Variants in ATP1A1 observed in about 807,000 individuals in gnomAD.
ATP1A1 encodes ATPase Na+/K+ transporting subunit alpha 1, also known as sodium/potassium-transporting ATPase subunit alpha-1.
ATP1A1 carries 14 observed loss-of-function variants against 114.8 expected under a neutral mutation model. That is an observed-to-expected ratio of 0.12 (90% CI 0.08 to 0.19). The LOEUF (loss-of-function observed/expected upper bound fraction) is 0.19, where lower values mean the gene tolerates loss of function less well. Among genes scored for constraint, ATP1A1 ranks in the 10% least tolerant of loss-of-function variants. ATP1A1 has a pLI of 1.00. For missense variants in ATP1A1, 524 were observed against 1,290.7 expected (o/e 0.41, Z 9.10); for synonymous variants, 471 against 466.3 (o/e 1.01, Z -0.13).
At chr1:116,392,683 G>C (rs1652561454) in intron 10 of ATP1A1, 171 bp from the exon 11 acceptor site, 1 of 692,078 alleles carries the variant, frequency 1.4e-6, no homozygotes, top group African/African-American at 1.8e-5. Flanking sequence ...GAACAGCAGT[G>C]GTCGGGGCTA....
chr1:116,379,716 A>G (rs1651614277), intron 1 of ATP1A1, among the ~76,000 whole-genome samples: 1 of 152,252 alleles, frequency 6.6e-6, no homozygotes, highest in African/African-American at 2.4e-5. Context: ...AGACCAAGTT[A>G]TAATAATAGC....
At position 116,399,640 on chromosome 1, in the gene ATP1A1, C is replaced by G. The variant is rs1259372114; in HGVS notation, c.2572+97C>G. On this transcript the variant is annotated intron_variant, in intron 18 of 22. Transcript: ENST00000295598. The surrounding 1 kb of genome is among the most constrained non-coding windows in gnomAD (Gnocchi z 5.0). Reference sequence around the variant, plus strand: ...AGGTTGATTTCAGAGACTGCAAATCCAGGCGACTTTCAGGTCTAGGATGAG... The same window carrying G: ...AGGTTGATTTCAGAGACTGCAAATCGAGGCGACTTTCAGGTCTAGGATGAG... The G allele has an allele frequency of 6.5e-7, 1 of 1,534,286 alleles. No homozygotes were observed. The highest frequency in any genetic ancestry group is 8.8e-7 in the Non-Finnish European group (1 of 1,132,230).
chr1:116,377,077 G>A (rs1263920896), intron 1 of ATP1A1, among the ~76,000 whole-genome samples: 1 of 152,172 alleles, frequency 6.6e-6, no homozygotes, highest in African/African-American at 2.4e-5. Context: ...GAATAAGAAA[G>A]GCTTTAACTA....
At position 116,404,494 on chromosome 1, in the gene ATP1A1, A is replaced by G. The variant is rs1393530196; in HGVS notation, c.*50A>G. The G allele has an allele frequency of 3.2e-6, 5 of 1,577,968 alleles. No individual in the cohort carries two copies. The highest frequency in any genetic ancestry group is 3.4e-6 in the Non-Finnish European group (4 of 1,166,914). ...CATCAGGCCACACACTCTGCATCCG[A>G]CACCCACCCCCTCTTTGTGTACTTC... On this transcript the variant is annotated 3_prime_UTR_variant, in exon 23 of 23. Coordinates refer to ENST00000295598, the MANE Select transcript of ATP1A1 (RefSeq NM_000701.8). The surrounding 1 kb of genome is among the most constrained non-coding windows in gnomAD (Gnocchi z 4.8).
chr1:116,391,917 TAA>T (rs951312085), intron 10 of ATP1A1, among the ~76,000 whole-genome samples: 23 of 152,308 alleles, frequency 1.5e-4, no homozygotes, highest in African/African-American at 5.3e-4. Flanking sequence ...GCATTATTAC[TAA>T]AAAGCGGGGA....
Position 116,395,342 on chromosome 1 carries a change from A to C in ATP1A1, c.1836+57A>C. ...CTTAGTGCCTTGGGACACCCTACTC[A>C]GTGAATGTTGCCTTTTGAGGTCCAG... On this transcript the variant is annotated intron_variant, in intron 13 of 22. Transcript: ENST00000295598. This position sits in a 1 kb window ranked among gnomAD's most constrained non-coding sequence, Gnocchi z 6.4. 6.4e-7 allele frequency: 1 copy of C among 1,574,272 alleles called. No homozygotes were observed. The highest frequency in any genetic ancestry group is 8.6e-7 in the Non-Finnish European group (1 of 1,160,266).
At chr1:116,378,875 G>A (rs1400822249) in intron 1 of ATP1A1, among the ~76,000 whole-genome samples, 6 of 152,192 alleles carry the variant, frequency 3.9e-5, no homozygotes, top group South Asian at 2.1e-4. Context: ...GGAGGGTAAG[G>A]TGGTCAGCAG....
rs1204516090 is a variant in ATP1A1, at chr1:116,393,726, A to G, written c.1660+3A>G. 1.2e-6 allele frequency: 2 copies of G among 1,611,738 alleles called. No homozygotes were observed. The highest frequency in any genetic ancestry group is 8.5e-7 in the Non-Finnish European group (1 of 1,179,490). Reference sequence around the variant, plus strand: ...GGGCCTCGGAGAACGAGTCCTAGGTATGCAGATAACCTGGTAACAGAGTGC... The same window carrying G: ...GGGCCTCGGAGAACGAGTCCTAGGTGTGCAGATAACCTGGTAACAGAGTGC... On this transcript the variant is annotated splice_donor_region_variant and intron_variant, in intron 12 of 22. Coordinates refer to ENST00000295598, the MANE Select transcript of ATP1A1 (RefSeq NM_000701.8). This position sits in a 1 kb window ranked among gnomAD's most constrained non-coding sequence, Gnocchi z 5.0.
In ATP1A1 at chr1:116,382,206, T is replaced by G. The variant is rs1651790964; in HGVS notation, c.13-1808T>G. 2.0e-5 allele frequency among the ~76,000 whole-genome samples: 3 copies of G among 152,152 alleles called. No homozygotes were observed. In the South Asian group the frequency reaches 6.2e-4, roughly 32 times the overall value. On this transcript the variant is annotated intron_variant, in intron 1 of 22. Transcript: ENST00000295598. ...AGAAAATTAATACAAAGTGGTCACA[T>G]AAATCTTTTAGAGATCCTTAGTCAA... is the stretch of plus-strand genomic sequence containing the variant.
At chr1:116,379,576 G>C (rs1651601987) in intron 1 of ATP1A1, among the ~76,000 whole-genome samples, 1 of 152,170 alleles carries the variant, frequency 6.6e-6, no homozygotes, top group Admixed American at 6.5e-5. Context: ...ATCATTTCTT[G>C]ACTGTTATTT....
At chr1:116,376,264 AAG>A (rs1339763753) in intron 1 of ATP1A1, among the ~76,000 whole-genome samples, 14 of 152,184 alleles carry the variant, frequency 9.2e-5, no homozygotes, top group African/African-American at 3.4e-4. Context: ...GCAGGGAAAA[AAG>A]GTTCCAGTGA....
rs1028816565 is a variant in ATP1A1, at chr1:116,387,742, G to GCT, written c.387+254_387+255dup. Among the ~76,000 whole-genome samples, 1 of 152,248 alleles carries GCT rather than the reference G, an allele frequency of 6.6e-6. No homozygotes were observed. Among genetic ancestry groups the GCT allele is most frequent in the African/African-American group, 2.4e-5 (1 of 41,474 alleles). On this transcript the variant is annotated intron_variant, in intron 4 of 22. Transcript: ENST00000295598. This position sits in a 1 kb window ranked among gnomAD's most constrained non-coding sequence, Gnocchi z 6.7. ...CTGCATGTGCTGCTGTGAGCAGGCA[G>GCT]CTCTGCTCAGGCCCCGGCCGCCACC...
rs1652840717 is a variant in ATP1A1 at position 116,395,619 on chromosome 1, T to C, written c.1836+334T>C. 6.6e-6 allele frequency among the ~76,000 whole-genome samples: 1 copy of C among 152,250 alleles called. No homozygotes were observed. Among genetic ancestry groups the C allele is most frequent in the Non-Finnish European group, 1.5e-5 (1 of 68,038 alleles). ...CAATGAATGGCATATCTTCTGTGTT[T>C]TCAGTTAACTGTTTGTTAATGAGTG... On this transcript the variant is annotated intron_variant, in intron 13 of 22. Transcript: ENST00000295598. The surrounding 1 kb of genome is among the most constrained non-coding windows in gnomAD (Gnocchi z 6.4).
Position 116,384,000 on chromosome 1 carries a change from A to G in ATP1A1, c.13-14A>G. 6.2e-7 allele frequency: 1 copy of G among 1,606,416 alleles called. No homozygotes were observed. Among genetic ancestry groups the G allele is most frequent in the Non-Finnish European group, 8.5e-7 (1 of 1,175,844 alleles). On this transcript the variant is annotated splice_polypyrimidine_tract_variant and intron_variant, in intron 1 of 22. Coordinates refer to ENST00000295598, the MANE Select transcript of ATP1A1 (RefSeq NM_000701.8). ...CATAATTCATGGCCTCACTTTTCCC[A>G]CATTCTCCTACAGGTTGGACGTGAT...
chr1:116,391,050 G>C (rs1166485500), intron 10 of ATP1A1, among the ~76,000 whole-genome samples, 159 bp downstream of exon 10: 3 of 152,194 alleles, frequency 2.0e-5, no homozygotes, highest in African/African-American at 7.2e-5. Context: ...AACTTACATT[G>C]TGTTGCCTGT....
intron 14 of ATP1A1, 39 bp downstream of exon 14, chr1:116,396,773 A>G: frequency 6.6e-7 from 1 of 1,511,312 alleles, no homozygotes. Context: ...GCTGTGAACA[A>G]GCAAATAGTG....
chr1:116,383,816 T>C (rs1651896687), intron 1 of ATP1A1, among the ~76,000 whole-genome samples, 198 bp from the exon 2 acceptor site: 1 of 152,228 alleles, frequency 6.6e-6, no homozygotes, highest in South Asian at 2.1e-4. Flanking sequence ...AGAATGTATC[T>C]TGAGCCAATG....
intron 1 of ATP1A1, among the ~76,000 whole-genome samples, chr1:116,376,839 A>G (rs1171409828): frequency 6.6e-6 from 1 of 152,248 alleles, no homozygotes; most frequent in Non-Finnish European, 1.5e-5. Flanking sequence ...GTTTGCCCAG[A>G]TGAGGGCTAA....
rs1056582556 is a variant in ATP1A1 at position 116,401,536 on chromosome 1, C to T, written c.2850-18C>T. The T allele has an allele frequency of 5.6e-6, 9 of 1,612,656 alleles. No homozygotes were observed. Among genetic ancestry groups the T allele is most frequent in the Non-Finnish European group, 7.6e-6 (9 of 1,179,028 alleles). On this transcript the variant is annotated intron_variant, in intron 20 of 22. Coordinates refer to ENST00000295598, the MANE Select transcript of ATP1A1 (RefSeq NM_000701.8). The surrounding 1 kb of genome is among the most constrained non-coding windows in gnomAD (Gnocchi z 4.7). Reference sequence around the variant, plus strand: ...TATTTGCACCTTTTAAGTTTTTTCTCCCCTACTTTGATTTTAGGAACAAGA... The same window carrying T: ...TATTTGCACCTTTTAAGTTTTTTCTTCCCTACTTTGATTTTAGGAACAAGA...
Sources: gnomAD v4.1 joint callset for allele counts (sites outside exome capture counted in the v4.1 genomes callset) on GRCh38, gnomAD v4.1.1 for gene constraint, Gnocchi (gnomAD v3.1) non-coding constraint, MANE v1.5 for transcripts, NCBI Gene and HGNC (gene_info 2026-07-23, HGNC 2026-07-21) for gene names.